TMOD2: variants seen among roughly 807,000 people sequenced by gnomAD.
TMOD2 encodes the protein tropomodulin 2.
Under a neutral mutation model 39.9 loss-of-function variants are expected in TMOD2, and 22 were observed. The observed-to-expected ratio is 0.55, with a 90% CI of 0.39 to 0.79. TMOD2 has a LOEUF of 0.79. Ranked by LOEUF, TMOD2 falls within the 30% of genes least tolerant of loss-of-function variation. TMOD2 has a pLI of 0.00. For missense variants in TMOD2, 386 were observed against 413.3 expected, an observed-to-expected ratio of 0.93 and a Z score of 0.57; for synonymous variants, 123 against 146.1, an observed-to-expected ratio of 0.84 and a Z score of 1.14.
rs533011272 is a variant in TMOD2 at position 51,787,363 on chromosome 15, G to A, written c.732+4535G>A. 3.5e-4 allele frequency among the ~76,000 whole-genome samples: 53 copies of A among 152,362 alleles called. 1 individual carries two copies. The South Asian group carries it at 5.6e-3, about 16-fold the overall frequency. The stretch of plus-strand genomic sequence containing the variant: ...AGCGGCATGGAAGCTCGAACTGGGC[G>A]GGGCCCACCACAGCTCAGGAAGGCC... On this transcript the variant is annotated intron_variant, in intron 7 of 9. Transcript: ENST00000249700.
intron 5 of TMOD2, among the ~76,000 whole-genome samples, chr15:51,780,335 GT>G (rs1410799525): frequency 6.6e-6 from 1 of 152,108 alleles, no homozygotes; most frequent in African/African-American, 2.4e-5. Context: ...ATGTTACCTC[GT>G]TTCACACTTG....
At chr15:51,761,086 T>C (rs2141613667) in intron 1 of TMOD2, among the ~76,000 whole-genome samples, 1 of 152,308 alleles carries the variant, frequency 6.6e-6, no homozygotes, top group Admixed American at 6.5e-5. Flanking sequence ...CATTGTAAGT[T>C]CTTAACCAGG....
rs1242815924 is a variant in TMOD2 at position 51,815,756 on chromosome 15, A to T, written c.*7302A>T. 1 of 152,230 alleles carries T rather than the reference A, an allele frequency of 6.6e-6. No homozygotes were observed. The highest frequency in any genetic ancestry group is 1.5e-5 in the Non-Finnish European group (1 of 68,034). 9.4% of individuals were successfully genotyped at this position (152,230 alleles called of 1,614,324 possible). A position where few individuals can be genotyped will look rare whatever the true frequency, so the allele number is the denominator to read the frequency against. On this transcript the variant is annotated 3_prime_UTR_variant, in exon 10 of 10. Coordinates refer to ENST00000249700, the MANE Select transcript of TMOD2 (RefSeq NM_014548.4). ...TAGTTGTTTTCATCCATTCAAGCAA[A>T]ATGAATAAGCAGCATTTTTCATTGC... is the stretch of plus-strand genomic sequence containing the variant.
chr15:51,810,070 G>A lies in TMOD2; in HGVS notation c.*1616G>A, dbSNP rs1312257600. 6.6e-6 allele frequency: 1 copy of A among 151,958 alleles called. No homozygotes were observed. The highest frequency in any genetic ancestry group is 1.5e-5 in the Non-Finnish European group (1 of 67,994). The allele number at this position is 151,958 out of a possible 1,614,324, so 9.4% of individuals were successfully genotyped here. A position where few individuals can be genotyped will look rare whatever the true frequency, so the allele number is the denominator to read the frequency against. On this transcript the variant is annotated 3_prime_UTR_variant, in exon 10 of 10. Transcript: ENST00000249700. ...GAATATTCTAACACCTTTGGCCCCT[G>A]AAAATCCTTTAATTAGTTTATGGCT...
chr15:51,777,068 G>A (rs2055894516), intron 5 of TMOD2, 50 bp downstream of exon 5: 3 of 1,522,742 alleles, frequency 2.0e-6, no homozygotes, highest in African/African-American at 1.4e-5. Context: ...AGCCTCCAGA[G>A]TTGCTGGTAG....
At chr15:51,806,297 G>C in intron 8 of TMOD2, 80 bp from the exon 9 acceptor site, 1 of 1,537,432 alleles carries the variant, frequency 6.5e-7, no homozygotes, top group Non-Finnish European at 8.9e-7. Context: ...CCAGCAAGTA[G>C]CCTTGTCTTT....
intron 3 of TMOD2, among the ~76,000 whole-genome samples, chr15:51,773,058 G>A (rs960446764): frequency 4.6e-5 from 7 of 152,072 alleles, no homozygotes; most frequent in African/African-American, 1.7e-4. Context: ...ACACTGCCAG[G>A]GCCTCAAACA....
At chr15:51,756,117 G>A (rs947377053) in intron 1 of TMOD2, among the ~76,000 whole-genome samples, 9 of 152,148 alleles carry the variant, frequency 5.9e-5, no homozygotes, top group Non-Finnish European at 8.8e-5. Flanking sequence ...GACAACAGCG[G>A]GAAATAGGAC....
chr15:51,775,580 T>C (rs865854138), intron 4 of TMOD2, among the ~76,000 whole-genome samples: 41 of 132,492 alleles, frequency 3.1e-4, no homozygotes, highest in African/African-American at 9.4e-4. Flanking sequence ...CTTTTTTTTT[T>C]TTTTTTTTTT....
rs553471557 is a variant in TMOD2, at chr15:51,768,636, A to G, written c.283+218A>G. ...GCAAGGGAACTGTCCGGGAAATGGG[A>G]AATAAGCCCATGAACTGGATTCAGT... On this transcript the variant is annotated intron_variant, in intron 3 of 9. Transcript: ENST00000249700. 3.9e-5 allele frequency among the ~76,000 whole-genome samples: 6 copies of G among 152,210 alleles called. No individual in the cohort carries two copies. The East Asian group carries it at 7.7e-4, about 20-fold the overall frequency.
chr15:51,775,779 T>C (rs1299126275), intron 4 of TMOD2, among the ~76,000 whole-genome samples: 2 of 152,066 alleles, frequency 1.3e-5, no homozygotes, highest in Admixed American at 6.5e-5. Flanking sequence ...GGCTTCGCCA[T>C]GTTGGCCAGG....
intron 8 of TMOD2, among the ~76,000 whole-genome samples, chr15:51,800,182 G>C (rs2056078449): frequency 6.6e-6 from 1 of 152,186 alleles, no homozygotes; most frequent in Non-Finnish European, 1.5e-5. Context: ...GCCTAGTATT[G>C]AGTTAGAATT....
chr15:51,780,303 T>G (rs2055921014), intron 5 of TMOD2, among the ~76,000 whole-genome samples: 2 of 152,258 alleles, frequency 1.3e-5, no homozygotes. Context: ...TGCTTTTTTC[T>G]CCACATTGTT....
Position 51,768,351 on chromosome 15 carries a change from C to T in TMOD2, c.216C>T (p.Tyr72=), listed in dbSNP as rs2055830613. The T allele has an allele frequency of 1.2e-6, 2 of 1,614,126 alleles. No homozygotes were observed. The highest frequency in any genetic ancestry group is 1.7e-6 in the Non-Finnish European group (2 of 1,180,018). ...GPFDREHLLM[Y]LEKEALEQKD... The stretch of plus-strand genomic sequence containing the variant: ...TTGACCGCGAGCACCTCCTCATGTA[C>T]CTGGAGAAGGAGGCTTTGGAACAGA... The change falls in exon 3 of 10, where the codon TAC becomes TAT. Residue 72 remains tyrosine (Y), a synonymous_variant. Transcript: ENST00000249700.
chr15:51,780,569 C>G (rs947858091), intron 5 of TMOD2, among the ~76,000 whole-genome samples: 3 of 152,126 alleles, frequency 2.0e-5, no homozygotes, highest in African/African-American at 7.2e-5. Context: ...CCCTTTCTCT[C>G]CCCATACCTT....
intron 5 of TMOD2, among the ~76,000 whole-genome samples, chr15:51,778,255 A>G (rs1211351044): frequency 6.8e-6 from 1 of 147,572 alleles, no homozygotes; most frequent in Non-Finnish European, 1.5e-5. Context: ...CCAACACCGC[A>G]TCTTCTCACT....
chr15:51,761,929 C>T (rs538520665), intron 1 of TMOD2, among the ~76,000 whole-genome samples: 4 of 151,224 alleles, frequency 2.6e-5, no homozygotes, highest in African/African-American at 9.7e-5. Context: ...AGGCAGATCA[C>T]GAGGTCAGGA....
intron 3 of TMOD2, 57 bp downstream of exon 3, chr15:51,768,475 A>G: frequency 7.5e-7 from 1 of 1,331,814 alleles, no homozygotes; most frequent in East Asian, 2.5e-5. Context: ...TTTTTTTTGG[A>G]ACGGAGGCAC....
rs531602963 is a variant in TMOD2, at chr15:51,782,785, A to G, written c.689A>G (p.Lys230Arg). ...CTGGAGACCAACACTCACGTGAAGA[A>G]GTTCAGCCTGGCCGCAACTCGCAGC... ...KALETNTHVK[K>R]FSLAATRSND... Residue 230 changes from lysine (K) to arginine (R), a missense_variant, in exon 7 of 10, where the codon AAG becomes AGG. By Grantham distance (26) the Lys-to-Arg change is conservative. Coordinates refer to ENST00000249700, the MANE Select transcript of TMOD2 (RefSeq NM_014548.4). The G allele has an allele frequency of 1.2e-6, 2 of 1,614,100 alleles. No individual in the cohort carries two copies. The highest frequency in any genetic ancestry group is 1.3e-5 in the African/African-American group (1 of 75,058).
Sources: gnomAD v4.1 joint callset for allele counts (sites outside exome capture counted in the v4.1 genomes callset) on GRCh38, gnomAD v4.1.1 for gene constraint, MANE v1.5 for transcripts, NCBI Gene and HGNC (gene_info 2026-07-23, HGNC 2026-07-21) for gene names.